The following RBBP8 variants were observed in gnomAD, a reference collection of about 807,000 sequenced individuals.
RBBP8 encodes RB binding protein 8, endonuclease, also known as DNA endonuclease RBBP8.
In RBBP8, 88 loss-of-function variants were observed where a neutral mutation model predicts 108.3. That is an observed-to-expected ratio of 0.81 (90% CI 0.68 to 0.97). The LOEUF (loss-of-function observed/expected upper bound fraction) is 0.97, where lower values mean the gene tolerates loss of function less well. RBBP8 is among the 50% of genes least tolerant of loss of function. The pLI is 0.00. For missense variants in RBBP8, 1,023 were observed against 1,049.0 expected (o/e 0.98, Z 0.34); for synonymous variants, 332 against 348.2 (o/e 0.95, Z 0.52).
chr18:22,953,238 A>G (rs1315064307), intron 4 of RBBP8, among the ~76,000 whole-genome samples: 2 of 152,194 alleles, frequency 1.3e-5, no homozygotes, highest in African/African-American at 4.8e-5. Context: ...GGATCTGACT[A>G]TGGGATGCCT....
intron 8 of RBBP8, 25 bp from the exon 9 acceptor site, chr18:22,989,196 A>G (rs780584120): frequency 1.3e-6 from 2 of 1,517,950 alleles, no homozygotes; most frequent in Non-Finnish European, 1.8e-6. Flanking sequence ...ATTATTTATT[A>G]AAATGGTTTA....
chr18:23,014,894 G>C (rs1487212760), intron 16 of RBBP8, among the ~76,000 whole-genome samples: 4 of 150,904 alleles, frequency 2.7e-5, no homozygotes, highest in African/African-American at 4.9e-5. Flanking sequence ...TTTTTGTTTT[G>C]TTTTGTTTTG....
At chr18:22,927,216 G>C (rs549743556) in intron 3 of RBBP8, among the ~76,000 whole-genome samples, 106 of 152,284 alleles carry the variant, frequency 7.0e-4, no homozygotes, top group African/African-American at 2.5e-3. Flanking sequence ...TACCAGTATT[G>C]TGTGTTCATG....
At chr18:22,919,790 G>C (rs531566108) in intron 3 of RBBP8, among the ~76,000 whole-genome samples, 6 of 152,116 alleles carry the variant, frequency 3.9e-5, no homozygotes, top group African/African-American at 1.4e-4. Flanking sequence ...GACCTTAGAT[G>C]ATCCACCCTC....
chr18:22,933,190 C>T (rs1378773969), upstream of RBBP8: 1 of 152,264 alleles, frequency 6.6e-6, no homozygotes, highest in African/African-American at 2.4e-5. Flanking sequence ...CTCCCGGCAG[C>T]TCCGAGGTAG....
At position 22,927,494 on chromosome 18, in the gene RBBP8, G is replaced by A. The variant is rs369735427; in HGVS notation, c.-153-1889G>A. On this transcript the variant is annotated intron_variant, in intron 3 of 4. Coordinates refer to the RBBP8 transcript ENST00000577588. The stretch of plus-strand genomic sequence containing the variant: ...ATTATATTATATATGCTGGGCCTGC[G>A]CTGTACGATACAGTAGCCACTAGTC... 2.2e-4 allele frequency among the ~76,000 whole-genome samples: 33 copies of A among 152,146 alleles called. No homozygotes were observed. In the East Asian group the frequency reaches 3.9e-3, roughly 18 times the overall value.
intron 4 of RBBP8, among the ~76,000 whole-genome samples, chr18:22,951,475 AC>A (rs1912030774): frequency 6.6e-6 from 1 of 152,042 alleles, no homozygotes; most frequent in Non-Finnish European, 1.5e-5. Context: ...AGAAAAAAAA[AC>A]CAAACGCAGC....
intron 16 of RBBP8, among the ~76,000 whole-genome samples, chr18:23,011,811 A>G (rs966996470): frequency 2.6e-5 from 4 of 152,054 alleles, no homozygotes; most frequent in African/African-American, 9.7e-5. Flanking sequence ...CAATCAATGA[A>G]TGTCGTGTGT....
At position 22,933,513 on chromosome 18, in the gene RBBP8, T is replaced by C. The variant is rs1318336454; in HGVS notation, c.-150T>C. The C allele has an allele frequency of 6.5e-6, 1 of 154,060 alleles. No individual in the cohort carries two copies. The highest frequency in any genetic ancestry group is 1.9e-4 in the East Asian group (1 of 5,136). The allele number at this position is 154,060 out of a possible 1,614,324, so 9.5% of individuals were successfully genotyped here. On this transcript the variant is annotated 5_prime_UTR_variant, in exon 1 of 19. Transcript: ENST00000327155. ...GCCGTCCTTTCACAGCCTCAGAAAG[T>C]GCTCGCTTCCCTTCGGGGGCTTTCG... is the stretch of plus-strand genomic sequence containing the variant.
intron 16 of RBBP8, among the ~76,000 whole-genome samples, chr18:23,007,127 TCTC>T (rs777989412): frequency 6.9e-4 from 105 of 151,286 alleles, no homozygotes; most frequent in Non-Finnish European, 1.2e-3. Context: ...TTCAAGTTAT[TCTC>T]CTGCCCCCGC....
At chr18:23,004,277 A>G (rs951067216) in intron 15 of RBBP8, among the ~76,000 whole-genome samples, 7 of 152,004 alleles carry the variant, frequency 4.6e-5, no homozygotes, top group African/African-American at 1.7e-4. Flanking sequence ...AGGTGTATAT[A>G]TATATATACA....
At chr18:22,995,915 A>C (rs1195504328) in intron 12 of RBBP8, among the ~76,000 whole-genome samples, 2 of 152,168 alleles carry the variant, frequency 1.3e-5, no homozygotes, top group Admixed American at 6.5e-5. Context: ...TAGGAGTGGA[A>C]TTGTTGGGCC....
At chr18:23,002,726 C>G (rs1027928795) in intron 15 of RBBP8, among the ~76,000 whole-genome samples, 1 of 152,050 alleles carries the variant, frequency 6.6e-6, no homozygotes, top group Admixed American at 6.5e-5. Flanking sequence ...ATGAACATAC[C>G]TTCTACTGTG....
chr18:22,975,693 G>A (rs1914450300), intron 6 of RBBP8, among the ~76,000 whole-genome samples: 1 of 151,544 alleles, frequency 6.6e-6, no homozygotes, highest in Admixed American at 6.6e-5. Flanking sequence ...TTCCTCTTGT[G>A]TTTTATGTTT....
At chr18:22,986,421 G>A (rs4473296) in intron 8 of RBBP8, among the ~76,000 whole-genome samples, 3 of 151,948 alleles carry the variant, frequency 2.0e-5, no homozygotes, top group African/African-American at 7.2e-5. Flanking sequence ...ATCTGAGATC[G>A]GTCTCATGTT....
chr18:23,021,394 G>A (rs969467189), intron 17 of RBBP8, among the ~76,000 whole-genome samples: 4 of 152,134 alleles, frequency 2.6e-5, no homozygotes, highest in African/African-American at 7.2e-5. Flanking sequence ...CAGCCTGGGT[G>A]ACAGAGCAGG....
intron 4 of RBBP8, among the ~76,000 whole-genome samples, chr18:22,950,794 C>T (rs1911971852): frequency 1.3e-5 from 2 of 152,100 alleles, no homozygotes; most frequent in Non-Finnish European, 1.5e-5. Context: ...GACTGGAGTC[C>T]TAGCTACTCA....
At position 22,982,144 on chromosome 18, in the gene RBBP8, G is replaced by A. The variant is rs1598702050; in HGVS notation, c.429-74G>A. The A allele has an allele frequency of 1.0e-5, 15 of 1,470,136 alleles. No individual in the cohort carries two copies. In the East Asian group the frequency reaches 3.6e-4, roughly 35 times the overall value. 91.1% of individuals were successfully genotyped at this position (1,470,136 alleles called of 1,614,324 possible). A position where few individuals can be genotyped will look rare whatever the true frequency, so the allele number is the denominator to read the frequency against. On this transcript the variant is annotated intron_variant, in intron 6 of 18. Transcript: ENST00000327155. ...TAGAGCTTCATGTTTGTGTTCTACT[G>A]TAACTCCATGCCATGTAGTAAATGT...
intron 16 of RBBP8, among the ~76,000 whole-genome samples, chr18:23,015,761 G>A (rs1179225686): frequency 6.6e-6 from 1 of 152,122 alleles, no homozygotes; most frequent in Non-Finnish European, 1.5e-5. Context: ...AAAAAAATCA[G>A]TTGACTATAG....
Sources: allele counts gnomAD v4.1 joint callset (sites outside exome capture counted in the v4.1 genomes callset), GRCh38; gene constraint gnomAD v4.1.1; transcripts MANE v1.5; gene names NCBI Gene and HGNC (gene_info 2026-07-23, HGNC 2026-07-21).